CBLB: variants seen among roughly 807,000 people sequenced by gnomAD.
The protein encoded by CBLB is Cbl proto-oncogene B.
In CBLB, 31 loss-of-function variants were observed where a neutral mutation model predicts 104.9. That is an observed-to-expected ratio of 0.30 (90% CI 0.22 to 0.40). The LOEUF (loss-of-function observed/expected upper bound fraction) is 0.40. Ranked by LOEUF, CBLB falls within the 10% of genes least tolerant of loss-of-function variation. The pLI is 1.00. For synonymous variants in CBLB, 440 were observed against 422.6 expected (o/e 1.04, Z -0.51); for missense variants, 1,062 against 1,214.6 (o/e 0.87, Z 1.87).
At chr3:105,681,665 G>T in intron 15 of CBLB, 55 bp from the exon 16 acceptor site, 1 of 1,610,306 alleles carries the variant, frequency 6.2e-7, no homozygotes, top group Non-Finnish European at 8.5e-7. Context: ...ATGAAATTTT[G>T]CCTTTAAATT....
chr3:105,697,528 C>T (rs2068537016), intron 12 of CBLB, among the ~76,000 whole-genome samples: 1 of 151,956 alleles, frequency 6.6e-6, no homozygotes, highest in Non-Finnish European at 1.5e-5. Flanking sequence ...AAAAGTATCC[C>T]TATAATTTGT....
At chr3:105,838,707 T>C (rs1025767727) in intron 3 of CBLB, among the ~76,000 whole-genome samples, 2 of 149,722 alleles carry the variant, frequency 1.3e-5, no homozygotes, top group African/African-American at 2.5e-5. Context: ...TGGAGTGTAG[T>C]AGTGTGAACT....
chr3:105,700,411 T>G (rs544179086), intron 12 of CBLB, among the ~76,000 whole-genome samples: 1 of 152,186 alleles, frequency 6.6e-6, no homozygotes, highest in East Asian at 1.9e-4. Context: ...TAATTACAGC[T>G]TCTTCTAACA....
intron 4 of CBLB, among the ~76,000 whole-genome samples, chr3:105,754,125 T>C (rs2076827138): frequency 6.6e-6 from 1 of 152,002 alleles, no homozygotes; most frequent in Non-Finnish European, 1.5e-5. Context: ...CATTATTGTG[T>C]AGGAGGTGGG....
chr3:105,694,104 T>G (rs1214303436), intron 12 of CBLB, among the ~76,000 whole-genome samples: 1 of 152,008 alleles, frequency 6.6e-6, no homozygotes, highest in Non-Finnish European at 1.5e-5. Flanking sequence ...TTGAAGCTTC[T>G]GTGCTAATGA....
At chr3:105,789,163 G>C (rs1338814694) in intron 3 of CBLB, among the ~76,000 whole-genome samples, 1 of 152,108 alleles carries the variant, frequency 6.6e-6, no homozygotes, top group Non-Finnish European at 1.5e-5. Context: ...AACTGATAAA[G>C]AGTATGCATT....
At position 105,861,981 on chromosome 3, in the gene CBLB, ATCT is replaced by A. The variant is rs2092130702; in HGVS notation, c.168+5426_168+5428del. Among the ~76,000 whole-genome samples the A allele has an allele frequency of 2.0e-5, 3 of 152,240 alleles. 1 individual carries two copies. The highest frequency in any genetic ancestry group is 1.3e-4 in the Admixed American group (2 of 15,286). On this transcript the variant is annotated intron_variant, in intron 2 of 18. Coordinates refer to ENST00000394030, the MANE Select transcript of CBLB (RefSeq NM_170662.5). ...TAGTTTTATCAGAACTTCAGATTTT[ATCT>A]TCTTCTTAAAGCTGTTTGTACCTAG...
chr3:105,740,392 C>T, intron 7 of CBLB, 102 bp downstream of exon 7: 2 of 1,182,178 alleles, frequency 1.7e-6, no homozygotes, highest in South Asian at 1.2e-5. Flanking sequence ...TCAGTCTTAA[C>T]ATAAAAAGCA....
intron 3 of CBLB, among the ~76,000 whole-genome samples, chr3:105,801,345 T>C (rs189681411): frequency 4.8e-4 from 73 of 152,286 alleles, no homozygotes; most frequent in African/African-American, 1.6e-3. Flanking sequence ...AAAGATAGTA[T>C]TTTTAATGAG....
rs1411328676 is a variant in CBLB, at chr3:105,868,866, G to A, written c.-145C>T. 1 of 1,012,864 alleles carries A rather than the reference G, an allele frequency of 9.9e-7. No individual in the cohort carries two copies. Among genetic ancestry groups the A allele is most frequent in the Non-Finnish European group, 1.2e-6 (1 of 848,478 alleles). The allele number at this position is 1,012,864 out of a possible 1,614,324, so 62.7% of individuals were successfully genotyped here. Reference sequence around the variant, plus strand: ...AGAACAGCTCGCTCCCGAAGAAGGAGCAACCCAGCGCGCAGGCCTCCGAGA... The same window carrying A: ...AGAACAGCTCGCTCCCGAAGAAGGAACAACCCAGCGCGCAGGCCTCCGAGA... On this transcript the variant is annotated 5_prime_UTR_variant, in exon 1 of 19. Coordinates refer to ENST00000394030, the MANE Select transcript of CBLB (RefSeq NM_170662.5).
intron 4 of CBLB, among the ~76,000 whole-genome samples, chr3:105,752,109 C>T (rs2076644868): frequency 6.6e-6 from 1 of 152,172 alleles, no homozygotes; most frequent in South Asian, 2.1e-4. Context: ...GACATTTCTG[C>T]CACAACCCTG....
intron 6 of CBLB, among the ~76,000 whole-genome samples, chr3:105,741,611 G>A (rs1277804543): frequency 6.6e-6 from 1 of 152,146 alleles, no homozygotes; most frequent in East Asian, 1.9e-4. Flanking sequence ...TAGCCAGGAT[G>A]GTCTCGATCT....
chr3:105,732,891 A>T (rs1201371713), intron 9 of CBLB, among the ~76,000 whole-genome samples: 1 of 152,230 alleles, frequency 6.6e-6, no homozygotes, highest in Non-Finnish European at 1.5e-5. Flanking sequence ...TTTAAAGACT[A>T]GAAAATTTAA....
Position 105,853,479 on chromosome 3 carries a change from T to C in CBLB, c.354A>G (p.Ser118=), listed in dbSNP as rs1186883353. The change falls in exon 3 of 19, where the codon TCA becomes TCG. Residue 118 remains serine, a synonymous_variant. Transcript: ENST00000394030. The part of the protein sequence containing the change: ...KIYIDSLMKK[S]KRAIRLFKEG... ...CTTTAAAGAGTCTTATTGCCCGTTT[T>C]GACTTTTTCATAAGGCTATCAATGT... 1 of 1,613,598 alleles carries C rather than the reference T, an allele frequency of 6.2e-7. No homozygotes were observed. The highest frequency in any genetic ancestry group is 1.3e-5 in the African/African-American group (1 of 75,042).
intron 2 of CBLB, among the ~76,000 whole-genome samples, chr3:105,859,553 G>T (rs1042040533): frequency 2.6e-5 from 4 of 151,656 alleles, no homozygotes; most frequent in Admixed American, 2.6e-4. Flanking sequence ...AACTTGGGAG[G>T]CTGAGGCAGG....
intron 13 of CBLB, 76 bp from the exon 14 acceptor site, chr3:105,685,542 G>T: frequency 8.5e-7 from 1 of 1,179,636 alleles, no homozygotes; most frequent in Non-Finnish European, 1.2e-6. Context: ...ACATATTCAA[G>T]TCAAAGAAGC....
At chr3:105,856,426 T>TG (rs1326387466) in intron 2 of CBLB, among the ~76,000 whole-genome samples, 1 of 148,282 alleles carries the variant, frequency 6.7e-6, no homozygotes. Context: ...AGGGAGTAGA[T>TG]GGAGAGAAAA....
At chr3:105,757,522 TAA>T (rs2077193047) in intron 4 of CBLB, among the ~76,000 whole-genome samples, 1 of 152,212 alleles carries the variant, frequency 6.6e-6, no homozygotes, top group African/African-American at 2.4e-5. Context: ...GGGTAGGAGA[TAA>T]ACATGGATAC....
At chr3:105,743,375 G>A (rs565354068) in intron 6 of CBLB, among the ~76,000 whole-genome samples, 12 of 150,618 alleles carry the variant, frequency 8.0e-5, no homozygotes, top group Non-Finnish European at 1.2e-4. Flanking sequence ...CATGAGAATC[G>A]TTTGAACCCA....
Sources: allele counts gnomAD v4.1 joint callset (sites outside exome capture counted in the v4.1 genomes callset), GRCh38; gene constraint gnomAD v4.1.1; transcripts MANE v1.5; gene names NCBI Gene and HGNC (gene_info 2026-07-23, HGNC 2026-07-21).